The following PCDH17 variants were observed in gnomAD, a reference collection of about 807,000 sequenced individuals.
The protein encoded by PCDH17 is protocadherin 17.
PCDH17 carries 21 observed loss-of-function variants against 67.7 expected under a neutral mutation model. The ratio of observed to expected loss-of-function variants is 0.31; its 90% confidence interval spans 0.22 to 0.45. PCDH17 has a LOEUF of 0.45. PCDH17 is among the 20% of genes least tolerant of loss of function. PCDH17 has a pLI of 1.00. For missense variants in PCDH17, 1,471 were observed against 1,564.8 expected (o/e 0.94, Z 1.01); for synonymous variants, 701 against 656.7 (o/e 1.07, Z -1.03).
chr13:57,656,620 T>C (rs1488241954), intron 1 of PCDH17, among the ~76,000 whole-genome samples: 1 of 152,092 alleles, frequency 6.6e-6, no homozygotes, highest in East Asian at 1.9e-4. Flanking sequence ...GTGGGAAAAG[T>C]CTTCAGTATT....
intron 3 of PCDH17, among the ~76,000 whole-genome samples, chr13:57,672,304 C>T (rs1398152300): frequency 6.6e-6 from 1 of 151,810 alleles, no homozygotes; most frequent in Non-Finnish European, 1.5e-5. Flanking sequence ...TGCTTGGGGG[C>T]ACCTTAATCA....
chr13:57,690,505 A>G (rs900622977), intron 3 of PCDH17, among the ~76,000 whole-genome samples: 4 of 151,690 alleles, frequency 2.6e-5, no homozygotes, highest in Non-Finnish European at 5.9e-5. Flanking sequence ...AAGGGAGTTC[A>G]AGTTTTAGAT....
intron 1 of PCDH17, among the ~76,000 whole-genome samples, chr13:57,641,011 AT>A (rs1343536476): frequency 6.6e-6 from 1 of 151,896 alleles, no homozygotes; most frequent in Non-Finnish European, 1.5e-5. Context: ...TTAGGGAGGG[AT>A]TTTTTGTGTA....
In PCDH17 at chr13:57,723,328, G is replaced by A. The variant is rs1420041575; in HGVS notation, c.2798-1284G>A. Among the ~76,000 whole-genome samples, 3 of 152,200 alleles carry A rather than the reference G, an allele frequency of 2.0e-5. No homozygotes were observed. In the South Asian group the frequency reaches 6.2e-4, roughly 32 times the overall value. ...AAAACCTTTTGAGATAAAACAGATT[G>A]TGGGCTTTTTAATGTAAATAATTAT... On this transcript the variant is annotated intron_variant, in intron 3 of 3. Coordinates refer to ENST00000377918, the MANE Select transcript of PCDH17 (RefSeq NM_001040429.3).
chr13:57,671,754 C>T (rs1004592666), intron 3 of PCDH17, among the ~76,000 whole-genome samples: 18 of 152,144 alleles, frequency 1.2e-4, no homozygotes, highest in Admixed American at 4.6e-4. Context: ...TTTCTGCTAT[C>T]TTTATAATTG....
chr13:57,673,492 A>G (rs1445532682), intron 3 of PCDH17, among the ~76,000 whole-genome samples: 3 of 151,892 alleles, frequency 2.0e-5, no homozygotes, highest in South Asian at 2.1e-4. Context: ...CTGCCAAAAA[A>G]CCACTTCCAC....
Position 57,633,799 on chromosome 13 carries a change from A to T in PCDH17, c.1253A>T (p.Tyr418Phe). The T allele has an allele frequency of 6.2e-7, 1 of 1,609,238 alleles. No homozygotes were observed. The highest frequency in any genetic ancestry group is 8.5e-7 in the Non-Finnish European group (1 of 1,179,486). Residue 418 changes from tyrosine (Y) to phenylalanine (F), a missense_variant, in exon 1 of 4, where the codon TAC becomes TTC. Around this residue, in one of 3 missense-constraint regions of PCDH17, gnomAD observed 1,163 missense variants for 1,230.0 expected, o/e 0.95. Transcript: ENST00000377918. This position sits in a 1 kb window ranked among gnomAD's most constrained non-coding sequence, Gnocchi z 6.2. ...GSVPFKLEEN[Y>F]DNFYTVVTDR... ...GTCCCCTTCAAGCTTGAGGAGAACT[A>T]CGACAACTTCTACACGGTGGTGACT...
At chr13:57,630,841 C>T (rs1430511662), upstream of PCDH17, among the ~76,000 whole-genome samples, 1 of 152,166 alleles carries the variant, frequency 6.6e-6, no homozygotes, top group African/African-American at 2.4e-5. Flanking sequence ...CGATTCGTTC[C>T]GCTGCTTCTG....
intron 2 of PCDH17, 54 bp downstream of exon 2, chr13:57,666,580 A>G: frequency 3.1e-6 from 5 of 1,607,922 alleles, no homozygotes; most frequent in Non-Finnish European, 4.3e-6. Flanking sequence ...TCGTGTCAAA[A>G]TTGCTTTGCA....
chr13:57,684,048 T>C (rs1010346724), intron 3 of PCDH17, among the ~76,000 whole-genome samples: 16 of 151,896 alleles, frequency 1.1e-4, no homozygotes, highest in African/African-American at 1.9e-4. Context: ...TTTAAACTTA[T>C]AGGAGAACCC....
chr13:57,667,279 T>C (rs760504980), intron 3 of PCDH17, among the ~76,000 whole-genome samples: 2 of 152,126 alleles, frequency 1.3e-5, no homozygotes, highest in Non-Finnish European at 2.9e-5. Flanking sequence ...TTGTTTGGAT[T>C]TTAGCTTCAA....
chr13:57,631,230 G>A (rs749214880), upstream of PCDH17, among the ~76,000 whole-genome samples: 5 of 152,144 alleles, frequency 3.3e-5, no homozygotes, highest in Non-Finnish European at 7.4e-5. Flanking sequence ...GAAGAGGACT[G>A]GGAGGCAGGG....
chr13:57,669,778 C>T (rs1955298434), intron 3 of PCDH17, among the ~76,000 whole-genome samples: 1 of 152,064 alleles, frequency 6.6e-6, no homozygotes, highest in African/African-American at 2.4e-5. Flanking sequence ...CTATTTTCTA[C>T]ACAACCTTGT....
At chr13:57,670,363 T>C (rs1955305348) in intron 3 of PCDH17, among the ~76,000 whole-genome samples, 2 of 151,646 alleles carry the variant, frequency 1.3e-5, no homozygotes, top group Admixed American at 6.6e-5. Context: ...ATTTCAAATA[T>C]TAAACCCTAA....
intron 3 of PCDH17, among the ~76,000 whole-genome samples, chr13:57,718,881 C>T (rs1460246292): frequency 6.6e-6 from 1 of 151,944 alleles, no homozygotes; most frequent in Non-Finnish European, 1.5e-5. Context: ...GCCATAAAAT[C>T]AAGCTGCTGT....
intron 1 of PCDH17, among the ~76,000 whole-genome samples, chr13:57,638,906 C>T (rs762834787): frequency 3.3e-5 from 5 of 151,820 alleles, no homozygotes; most frequent in Non-Finnish European, 7.4e-5. Context: ...AGATAAGTTC[C>T]CAAGATCATG....
intron 3 of PCDH17, among the ~76,000 whole-genome samples, chr13:57,704,564 CAA>C (rs112583999): frequency 8.2e-6 from 1 of 122,306 alleles, no homozygotes; most frequent in Non-Finnish European, 1.8e-5. Flanking sequence ...AATCTCTATC[CAA>C]AAAAAAAAAA....
At chr13:57,720,585 C>T (rs1955864306) in intron 3 of PCDH17, among the ~76,000 whole-genome samples, 1 of 151,674 alleles carries the variant, frequency 6.6e-6, no homozygotes, top group Non-Finnish European at 1.5e-5. Context: ...TGTGATTCAC[C>T]TGTATTTCTC....
chr13:57,697,591 T>TCTC (rs141635908), intron 3 of PCDH17, among the ~76,000 whole-genome samples: 9,636 of 151,738 alleles, frequency 0.064, 334 homozygotes, highest in Middle Eastern at 0.099. Context: ...AAACTGTGAG[T>TCTC]CTGTTAACAA....
Sources: gnomAD v4.1 joint callset for allele counts (sites outside exome capture counted in the v4.1 genomes callset) on GRCh38, gnomAD v4.1.1 for gene constraint, gnomAD v4.1.1 regional missense constraint, Gnocchi (gnomAD v3.1) non-coding constraint, MANE v1.5 for transcripts, NCBI Gene and HGNC (gene_info 2026-07-23, HGNC 2026-07-21) for gene names.